The following PMPCB variants were observed in gnomAD, a reference collection of about 807,000 sequenced individuals.
PMPCB encodes the protein peptidase, mitochondrial processing subunit beta.
PMPCB carries 46 observed loss-of-function variants against 61.5 expected under a neutral mutation model. That is an observed-to-expected ratio of 0.75 (90% CI 0.59 to 0.96). The LOEUF (loss-of-function observed/expected upper bound fraction) is 0.96, where lower values mean the gene tolerates loss of function less well. PMPCB is among the 40% of genes least tolerant of loss of function. The pLI is 0.00. For missense variants in PMPCB, 590 were observed against 602.4 expected, an observed-to-expected ratio of 0.98 and a Z score of 0.22; for synonymous variants, 191 against 201.6, an observed-to-expected ratio of 0.95 and a Z score of 0.44.
At chr7:103,329,566 G>A (rs1466556079), downstream of PMPCB, 4 of 152,048 alleles carry the variant, frequency 2.6e-5, no homozygotes, top group African/African-American at 9.7e-5. Flanking sequence ...CCTATAGACT[G>A]AAAAAATTTT....
downstream of PMPCB, chr7:103,319,525 G>T: frequency 8.1e-7 from 1 of 1,237,398 alleles, no homozygotes; most frequent in Non-Finnish European, 1.2e-6. Context: ...CCCTGCACTT[G>T]GTGACTTATA....
intron 5 of PMPCB, 116 bp from the exon 6 acceptor site, chr7:103,304,295 C>A (rs1386181542): frequency 1.4e-6 from 1 of 705,024 alleles, no homozygotes; most frequent in Non-Finnish European, 2.5e-6. Flanking sequence ...TTGCCTGTAT[C>A]CTATTTCTGA....
At chr7:103,297,694 G>C in intron 1 of PMPCB, 136 bp downstream of exon 1, 1 of 1,536,960 alleles carries the variant, frequency 6.5e-7, no homozygotes, top group Non-Finnish European at 8.7e-7. Flanking sequence ...GGCGCCAGGC[G>C]GCCTGGGGCT....
the PMPCB span, chr7:103,347,472 G>T: frequency 4.6e-6 from 2 of 431,068 alleles, no homozygotes; most frequent in South Asian, 5.9e-5. Context: ...ACTACTTATT[G>T]TGTCTAATAT....
the PMPCB span, among the ~76,000 whole-genome samples, chr7:103,342,492 A>G: frequency 2.0e-5 from 3 of 151,552 alleles, no homozygotes; most frequent in African/African-American, 7.3e-5. Flanking sequence ...TTTAGTAGAG[A>G]TGGGGTTTCT....
chr7:103,315,291 C>T (rs1817986464), downstream of PMPCB, among the ~76,000 whole-genome samples: 1 of 151,978 alleles, frequency 6.6e-6, no homozygotes, highest in African/African-American at 2.4e-5. Flanking sequence ...CCTACATTCC[C>T]CAAATGTGAA....
chr7:103,317,189 TG>T (rs1733494677), downstream of PMPCB: 1 of 596,410 alleles, frequency 1.7e-6, no homozygotes. Flanking sequence ...GCTTCCAGTC[TG>T]CATAGGTCTG....
chr7:103,322,423 T>G (rs1818470937), intron 12 of PMPCB: 1 of 1,264,684 alleles, frequency 7.9e-7, no homozygotes, highest in Admixed American at 2.8e-5. Flanking sequence ...CGAATTATAG[T>G]TTTTTTTAAA....
chr7:103,319,516 C>G (rs1818264290), downstream of PMPCB: 8 of 1,139,484 alleles, frequency 7.0e-6, no homozygotes, highest in South Asian at 9.2e-5. Context: ...TCAGATACTC[C>G]CTGCACTTGG....
intron 7 of PMPCB, 41 bp downstream of exon 7, chr7:103,307,749 C>G: frequency 9.1e-7 from 1 of 1,099,684 alleles, no homozygotes; most frequent in Non-Finnish European, 1.4e-6. Flanking sequence ...CTTTTGGATT[C>G]CTTGTGTTGT....
rs773409120 is a variant in PMPCB, at chr7:103,310,377, T to G, written c.1056T>G (p.Ser352=). Residue 352 remains serine, a synonymous_variant, in exon 9 of 13, where the codon TCT becomes TCG. Transcript: ENST00000249269. ...CHGNLCHSFQ[S]FNTSYTDTGL... Reference sequence around the variant, plus strand: ...GCAATCTTTGCCATAGCTTTCAGTCTTTCAACACTTCCTACACAGATACAG... The same window carrying G: ...GCAATCTTTGCCATAGCTTTCAGTCGTTCAACACTTCCTACACAGATACAG... 28 of 1,613,660 alleles carry G rather than the reference T, an allele frequency of 1.7e-5. No individual in the cohort carries two copies. The highest frequency in any genetic ancestry group is 2.7e-5 in the African/African-American group (2 of 74,922).
chr7:103,303,366 T>C (rs1008206440), intron 4 of PMPCB, among the ~76,000 whole-genome samples: 2 of 152,188 alleles, frequency 1.3e-5, no homozygotes, highest in Non-Finnish European at 2.9e-5. Flanking sequence ...CATATTAGCC[T>C]CCCAAAGTGC....
At chr7:103,300,903 T>G (rs1450689158) in intron 4 of PMPCB, among the ~76,000 whole-genome samples, 3 of 152,126 alleles carry the variant, frequency 2.0e-5, no homozygotes, top group Admixed American at 2.0e-4. Context: ...AGGCTGGACT[T>G]AAACTCCTGA....
intron 12 of PMPCB, chr7:103,322,165 ATAAAT>A (rs1231107055): frequency 1.1e-5 from 11 of 1,044,628 alleles, no homozygotes; most frequent in Admixed American, 6.7e-5. Context: ...TAAACTTTTA[ATAAAT>A]TATATTAGGA....
At chr7:103,333,405 T>C (rs1819047985), downstream of PMPCB, among the ~76,000 whole-genome samples, 1 of 152,204 alleles carries the variant, frequency 6.6e-6, no homozygotes, top group Non-Finnish European at 1.5e-5. Context: ...AAAAAGTCTA[T>C]TAGCATAATT....
downstream of PMPCB, chr7:103,314,732 T>G (rs1255206449): frequency 1.3e-6 from 1 of 769,104 alleles, no homozygotes; most frequent in Non-Finnish European, 1.6e-6. Flanking sequence ...TCCTCCCCTA[T>G]ATTAACACTG....
intron 11 of PMPCB, 80 bp downstream of exon 11, chr7:103,311,976 T>C (rs907882163): frequency 3.3e-6 from 5 of 1,530,422 alleles, no homozygotes; most frequent in African/African-American, 1.4e-5. Flanking sequence ...TCTTTCATCT[T>C]GCTTTAGTTT....
At chr7:103,336,609 G>C in the PMPCB span, 1 of 152,236 alleles carries the variant, frequency 6.6e-6, no homozygotes, top group African/African-American at 2.4e-5. Context: ...GCCTCCCAAA[G>C]TGTTGGGATT....
chr7:103,301,198 A>G (rs1055865500), intron 4 of PMPCB, among the ~76,000 whole-genome samples: 1 of 152,226 alleles, frequency 6.6e-6, no homozygotes, highest in African/African-American at 2.4e-5. Flanking sequence ...TTGCATAGCT[A>G]TCAGGTGGCT....
Sources: allele counts gnomAD v4.1 joint callset (sites outside exome capture counted in the v4.1 genomes callset), GRCh38; gene constraint gnomAD v4.1.1; transcripts MANE v1.5; gene names NCBI Gene and HGNC (gene_info 2026-07-23, HGNC 2026-07-21).